ARAP2: variants seen among roughly 807,000 people sequenced by gnomAD.
The protein encoded by ARAP2 is arf-GAP with Rho-GAP domain, ANK repeat and PH domain-containing protein 2.
In ARAP2, 148 loss-of-function variants were observed where a neutral mutation model predicts 194.5. The observed-to-expected ratio is 0.76, with a 90% confidence interval of 0.67 to 0.87. ARAP2 has a LOEUF of 0.87. ARAP2 is among the 40% of genes least tolerant of loss of function. ARAP2 has a pLI of 0.00. For synonymous variants in ARAP2, 695 were observed against 683.5 expected (o/e 1.02, Z -0.26); for missense variants, 2,128 against 1,989.7 (o/e 1.07, Z -1.32).
chr4:36,204,987 C>CAAAAAAAAAAAAA (rs754960122), intron 6 of ARAP2, among the ~76,000 whole-genome samples: 1 of 35,072 alleles, frequency 2.9e-5, no homozygotes, highest in Non-Finnish European at 4.5e-5. Flanking sequence ...GACTCCATCT[C>CAAAAAAAAAAAAA]AAAAAAAAAA....
chr4:36,120,044 T>A (rs989969462), intron 23 of ARAP2, among the ~76,000 whole-genome samples: 1 of 151,590 alleles, frequency 6.6e-6, no homozygotes, highest in African/African-American at 2.4e-5. Context: ...TGTATCAAAC[T>A]GAAATGTTCA....
intron 3 of ARAP2, among the ~76,000 whole-genome samples, chr4:36,051,487 AAATT>A (rs1429730155): frequency 2.0e-5 from 3 of 152,002 alleles, no homozygotes; most frequent in Non-Finnish European, 2.9e-5. Context: ...AAAAATAAAT[AAATT>A]AATAAATAAT....
intron 26 of ARAP2, among the ~76,000 whole-genome samples, chr4:36,109,080 A>C (rs1560447993): frequency 6.6e-6 from 1 of 151,974 alleles, no homozygotes; most frequent in African/African-American, 2.4e-5. Context: ...TTAAATAAAT[A>C]TATCACATCC....
intron 6 of ARAP2, among the ~76,000 whole-genome samples, chr4:36,195,906 G>T (rs1342489656): frequency 6.6e-6 from 1 of 152,148 alleles, no homozygotes. Flanking sequence ...CCTTCTGTAG[G>T]ATCAGCAAGT....
intron 26 of ARAP2, among the ~76,000 whole-genome samples, chr4:36,108,971 G>A (rs775415669): frequency 8.6e-5 from 13 of 151,814 alleles, no homozygotes; most frequent in African/African-American, 1.7e-4. Context: ...TTTTGTTTTC[G>A]GTTAAAGTAA....
At chr4:36,151,775 C>A (rs568376854) in intron 15 of ARAP2, among the ~76,000 whole-genome samples, 10 of 152,056 alleles carry the variant, frequency 6.6e-5, no homozygotes, top group African/African-American at 2.2e-4. Flanking sequence ...TAAATATATA[C>A]CCGTATATAC....
chr4:36,244,615 G>A (rs1271767621), upstream of ARAP2: 1 of 151,822 alleles, frequency 6.6e-6, no homozygotes, highest in East Asian at 2.0e-4. Context: ...AGCATAGTTG[G>A]GTGACTGACT....
intron 15 of ARAP2, among the ~76,000 whole-genome samples, chr4:36,152,984 A>C (rs1443384285): frequency 6.6e-6 from 1 of 152,236 alleles, no homozygotes; most frequent in Non-Finnish European, 1.5e-5. Context: ...GGAGCCATTC[A>C]AAGGTCTTAA....
intron 5 of ARAP2, among the ~76,000 whole-genome samples, chr4:36,211,270 A>T (rs1014562951): frequency 6.6e-6 from 1 of 152,182 alleles, no homozygotes; most frequent in African/African-American, 2.4e-5. Flanking sequence ...TGCAATGCTG[A>T]TGAGGAAAAA....
intron 6 of ARAP2, among the ~76,000 whole-genome samples, chr4:36,202,101 T>C (rs1744483364): frequency 6.6e-6 from 1 of 152,228 alleles, no homozygotes; most frequent in Non-Finnish European, 1.5e-5. Context: ...AATCACAGCA[T>C]ATTTTATGTT....
At chr4:36,096,066 A>G (rs778515532) in intron 27 of ARAP2, among the ~76,000 whole-genome samples, 57 of 151,728 alleles carry the variant, frequency 3.8e-4, no homozygotes, top group Non-Finnish European at 2.7e-4. Context: ...AAAACTTTAG[A>G]AAAAAAAATT....
At chr4:36,226,305 T>C (rs1750293811) in intron 2 of ARAP2, among the ~76,000 whole-genome samples, 1 of 152,130 alleles carries the variant, frequency 6.6e-6, no homozygotes, top group Non-Finnish European at 1.5e-5. Context: ...AATATACCAC[T>C]CCAGCATACT....
chr4:36,025,148 C>T (rs1717684270), intron 5 of ARAP2, among the ~76,000 whole-genome samples: 1 of 152,054 alleles, frequency 6.6e-6, no homozygotes, highest in East Asian at 1.9e-4. Flanking sequence ...TTTTGCAATG[C>T]CATTCTGGGA....
rs1742437709 is a variant in ARAP2 at position 36,193,606 on chromosome 4, A to C, written c.1529T>G (p.Leu510Arg). 6.3e-7 allele frequency: 1 copy of C among 1,598,802 alleles called. No individual in the cohort carries two copies. Among genetic ancestry groups the C allele is most frequent in the Non-Finnish European group, 8.5e-7 (1 of 1,173,432 alleles). Reference protein sequence around the residue: ...FQKRWVKFDGLSISYYNNEKE... With the variant: ...FQKRWVKFDGRSISYYNNEKE... ...CTCATTATTGTAGTAAGAAATGCTA[A>C]GGCCATCAAATTTCACCCATCTCTT... The change falls in exon 7 of 33, where the codon CTT becomes CGT. Residue 510 changes from leucine to arginine, a missense_variant. Leu to Arg is a moderately radical substitution (Grantham distance 102). Transcript: ENST00000303965.
At chr4:36,211,293 C>CT (rs1401885313) in intron 5 of ARAP2, among the ~76,000 whole-genome samples, 2 of 152,158 alleles carry the variant, frequency 1.3e-5, no homozygotes, top group Non-Finnish European at 2.9e-5. Flanking sequence ...TTGCAGCACA[C>CT]TGCTAGCTAG....
At chr4:36,134,992 G>A (rs995638270) in intron 19 of ARAP2, among the ~76,000 whole-genome samples, 1 of 151,618 alleles carries the variant, frequency 6.6e-6, no homozygotes, top group East Asian at 1.9e-4. Flanking sequence ...CTTTACACAG[G>A]CAAGCAAAGA....
chr4:36,148,040 T>A (rs547427611), intron 17 of ARAP2, among the ~76,000 whole-genome samples: 8 of 152,148 alleles, frequency 5.3e-5, no homozygotes, highest in Admixed American at 3.3e-4. Flanking sequence ...ACCTTCAGCA[T>A]TTTTCTCCAT....
chr4:36,108,416 C>T (rs1453994750), intron 26 of ARAP2, among the ~76,000 whole-genome samples: 1 of 151,770 alleles, frequency 6.6e-6, no homozygotes, highest in East Asian at 1.9e-4. Flanking sequence ...TTTTCATAAT[C>T]AATACAAAAT....
At chr4:36,110,409 T>C (rs1394771456) in intron 26 of ARAP2, among the ~76,000 whole-genome samples, 1 of 151,884 alleles carries the variant, frequency 6.6e-6, no homozygotes, top group Non-Finnish European at 1.5e-5. Flanking sequence ...CTGATAGTAC[T>C]GCATAAAAAG....
Sources: allele counts gnomAD v4.1 joint callset (sites outside exome capture counted in the v4.1 genomes callset), GRCh38; gene constraint gnomAD v4.1.1; transcripts MANE v1.5; gene names NCBI Gene and HGNC (gene_info 2026-07-23, HGNC 2026-07-21).